COLEC12: variants seen among roughly 807,000 people sequenced by gnomAD.
COLEC12 encodes the protein collectin subfamily member 12, also known as collectin-12.
COLEC12 carries 33 observed loss-of-function variants against 71.1 expected under a neutral mutation model. That is an observed-to-expected ratio of 0.46 (90% CI 0.35 to 0.62). The LOEUF is 0.62. COLEC12 is among the 20% of genes least tolerant of loss of function. The pLI is 0.00. For synonymous variants in COLEC12, 350 were observed against 353.0 expected, an observed-to-expected ratio of 0.99 and a Z score of 0.10; for missense variants, 765 against 916.1, an observed-to-expected ratio of 0.84 and a Z score of 2.13.
chr18:393,405 G>A (rs746082862), intron 2 of COLEC12, among the ~76,000 whole-genome samples: 5 of 149,830 alleles, frequency 3.3e-5, no homozygotes, highest in South Asian at 2.2e-4. Context: ...TAGGGAGCTC[G>A]GAGGCACAGC....
chr18:487,077 T>C (rs979972459), intron 1 of COLEC12, among the ~76,000 whole-genome samples: 9 of 152,194 alleles, frequency 5.9e-5, no homozygotes, highest in Non-Finnish European at 1.2e-4. Flanking sequence ...AAGCCAAAGG[T>C]TCACTGACTG....
Position 357,484 on chromosome 18 carries a change from T to C in COLEC12, c.97A>G (p.Asn33Asp). 6.3e-7 allele frequency: 1 copy of C among 1,592,882 alleles called. No homozygotes were observed. Among genetic ancestry groups the C allele is most frequent in the Non-Finnish European group, 8.6e-7 (1 of 1,168,564 alleles). ...EGTQCTKCKN[N>D]WALKFSIILL... The stretch of plus-strand genomic sequence containing the variant: ...ATGATAGAAAACTTCAGTGCCCAGT[T>C]ATTTTTACATTTGGTACATTGTGTT... Residue 33 changes from asparagine to aspartate, a missense_variant, in exon 3 of 10, where the codon AAC becomes GAC. By Grantham distance (23) the Asn-to-Asp change is conservative. Coordinates refer to ENST00000400256, the MANE Select transcript of COLEC12 (RefSeq NM_130386.3).
At chr18:432,651 T>C (rs1916327017) in intron 2 of COLEC12, among the ~76,000 whole-genome samples, 1 of 152,120 alleles carries the variant, frequency 6.6e-6, no homozygotes, top group Admixed American at 6.5e-5. Flanking sequence ...ATCCACAAAA[T>C]ACACATGCAC....
At chr18:442,002 T>TCCACAC (rs1221111408) in intron 2 of COLEC12, among the ~76,000 whole-genome samples, 1 of 120,744 alleles carries the variant, frequency 8.3e-6, no homozygotes, top group Non-Finnish European at 1.6e-5. Context: ...TCTCTCTCTC[T>TCCACAC]ACACACACAC....
chr18:390,440 A>G (rs369812923), intron 2 of COLEC12, among the ~76,000 whole-genome samples: 1 of 152,178 alleles, frequency 6.6e-6, no homozygotes, highest in Admixed American at 6.5e-5. Context: ...CATTCAGCAA[A>G]TAACTATTTC....
intron 2 of COLEC12, among the ~76,000 whole-genome samples, chr18:419,836 T>C (rs1341525565): frequency 1.3e-5 from 2 of 152,204 alleles, no homozygotes; most frequent in Non-Finnish European, 2.9e-5. Context: ...GTGATCTCTG[T>C]GAAAACTTAA....
chr18:381,936 C>T (rs1049520541), intron 2 of COLEC12, among the ~76,000 whole-genome samples: 5 of 151,788 alleles, frequency 3.3e-5, no homozygotes, highest in African/African-American at 1.2e-4. Context: ...ACTGGATTTA[C>T]AAATGCCAAG....
intron 5 of COLEC12, among the ~76,000 whole-genome samples, chr18:342,647 T>C (rs541517637): frequency 1.3e-5 from 2 of 152,174 alleles, no homozygotes; most frequent in Non-Finnish European, 2.9e-5. Flanking sequence ...AACACTTGCA[T>C]TCAGAAATGG....
chr18:495,479 C>T (rs751107342), intron 1 of COLEC12, among the ~76,000 whole-genome samples: 5 of 152,098 alleles, frequency 3.3e-5, no homozygotes, highest in Admixed American at 6.5e-5. Flanking sequence ...CTACAGTGGG[C>T]CATCCACATT....
intron 1 of COLEC12, among the ~76,000 whole-genome samples, chr18:495,243 G>T (rs532912912): frequency 6.6e-6 from 1 of 152,290 alleles, no homozygotes; most frequent in Admixed American, 6.5e-5. Flanking sequence ...TGGATGGTTG[G>T]TGTGGTTAGA....
intron 2 of COLEC12, among the ~76,000 whole-genome samples, chr18:432,040 T>C (rs1283592864): frequency 1.3e-5 from 2 of 152,186 alleles, no homozygotes; most frequent in Non-Finnish European, 2.9e-5. Context: ...AAGGCTTGAA[T>C]AGAACATGGA....
intron 2 of COLEC12, among the ~76,000 whole-genome samples, chr18:461,314 C>A (rs1310688623): frequency 6.6e-5 from 10 of 152,038 alleles, no homozygotes; most frequent in African/African-American, 2.2e-4. Context: ...CAATAGACAC[C>A]AAACACTATT....
At chr18:338,882 T>G (rs189187405) in intron 5 of COLEC12, among the ~76,000 whole-genome samples, 1 of 152,336 alleles carries the variant, frequency 6.6e-6, no homozygotes, top group East Asian at 1.9e-4. Context: ...TATTTCTGTT[T>G]TACTTATGTT....
intron 2 of COLEC12, among the ~76,000 whole-genome samples, chr18:367,725 C>A (rs1320665): frequency 0.27 from 40,971 of 152,112 alleles, 5,659 homozygotes; most frequent in South Asian, 0.37. Flanking sequence ...TGGCCCACGA[C>A]GCCTGTGAGG....
intron 2 of COLEC12, among the ~76,000 whole-genome samples, chr18:465,696 A>G (rs939862333): frequency 2.2e-4 from 33 of 152,184 alleles, no homozygotes; most frequent in Non-Finnish European, 3.8e-4. Flanking sequence ...ATCTTAATTA[A>G]TTTTAAGCAA....
intron 2 of COLEC12, among the ~76,000 whole-genome samples, chr18:405,424 TTGC>T (rs1442420907): frequency 6.6e-6 from 1 of 152,214 alleles, no homozygotes; most frequent in Non-Finnish European, 1.5e-5. Flanking sequence ...TAATAAAAAC[TTGC>T]TGGTCTGAGA....
intron 2 of COLEC12, among the ~76,000 whole-genome samples, chr18:451,087 T>C (rs1043810902): frequency 6.6e-6 from 1 of 152,136 alleles, no homozygotes; most frequent in Non-Finnish European, 1.5e-5. Flanking sequence ...TTCATATGCG[T>C]GAGCATATGA....
At chr18:404,021 A>C (rs1915738630) in intron 2 of COLEC12, among the ~76,000 whole-genome samples, 1 of 152,246 alleles carries the variant, frequency 6.6e-6, no homozygotes, top group African/African-American at 2.4e-5. Flanking sequence ...CTTTAAGGTA[A>C]AATGAAGATA....
At chr18:387,431 A>G (rs9955438) in intron 2 of COLEC12, among the ~76,000 whole-genome samples, 8,489 of 152,134 alleles carry the variant, frequency 0.056, 229 homozygotes, top group African/African-American at 0.066. Flanking sequence ...TCCCCATCAA[A>G]AAAATTAAAC....
Sources: gnomAD v4.1 joint callset for allele counts (sites outside exome capture counted in the v4.1 genomes callset) on GRCh38, gnomAD v4.1.1 for gene constraint, MANE v1.5 for transcripts, NCBI Gene and HGNC (gene_info 2026-07-23, HGNC 2026-07-21) for gene names.